Variants in CDH18 observed in about 807,000 individuals in gnomAD.
CDH18 encodes the protein cadherin-18.
A neutral mutation model predicts 67.9 loss-of-function variants in CDH18; 31 were observed. That is an observed-to-expected ratio of 0.46 (90% CI 0.34 to 0.62). The LOEUF (loss-of-function observed/expected upper bound fraction) is 0.62, where lower values mean the gene tolerates loss of function less well. CDH18 is among the 20% of genes least tolerant of loss of function. The pLI is 0.01. For missense variants in CDH18, 890 were observed against 975.5 expected (o/e 0.91, Z 1.17); for synonymous variants, 362 against 347.2 (o/e 1.04, Z -0.48).
At chr5:19,735,557 G>T (rs1043282615) in intron 4 of CDH18, among the ~76,000 whole-genome samples, 1 of 151,860 alleles carries the variant, frequency 6.6e-6, no homozygotes, top group South Asian at 2.1e-4. Context: ...CACCACGCCC[G>T]GCTAATTGTT....
At chr5:19,626,208 G>T (rs1333371472) in intron 5 of CDH18, among the ~76,000 whole-genome samples, 2 of 151,828 alleles carry the variant, frequency 1.3e-5, no homozygotes, top group African/African-American at 4.8e-5. Context: ...ATAGCACCAA[G>T]AAAAAAATAA....
chr5:20,427,328 A>G (rs1486657658), intron 1 of CDH18, among the ~76,000 whole-genome samples: 2 of 151,254 alleles, frequency 1.3e-5, no homozygotes, highest in Non-Finnish European at 2.9e-5. Flanking sequence ...GTTATTTTAC[A>G]AAGAAACAAA....
At chr5:19,874,150 A>C (rs11748637) in intron 2 of CDH18, among the ~76,000 whole-genome samples, 136,442 of 152,072 alleles carry the variant, frequency 0.9, 61,299 homozygotes, top group Non-Finnish European at 0.92. Context: ...ACCTAAATGT[A>C]CAAGTTTCTA....
chr5:20,394,587 C>A (rs1215427232), intron 1 of CDH18, among the ~76,000 whole-genome samples: 1 of 151,952 alleles, frequency 6.6e-6, no homozygotes, highest in Non-Finnish European at 1.5e-5. Flanking sequence ...ATACATGGGA[C>A]CTAATTAAAC....
intron 4 of CDH18, among the ~76,000 whole-genome samples, chr5:19,738,660 G>A (rs573157062): frequency 3.3e-5 from 5 of 152,260 alleles, no homozygotes; most frequent in Admixed American, 6.5e-5. Context: ...AGTTTTATTA[G>A]GGAATTCCAA....
intron 1 of CDH18, among the ~76,000 whole-genome samples, chr5:19,985,612 G>A (rs956332897): frequency 6.6e-6 from 1 of 151,790 alleles, no homozygotes; most frequent in East Asian, 1.9e-4. Context: ...GAATGATAGA[G>A]CTCACAATAC....
chr5:20,211,522 G>A (rs141053634), intron 2 of CDH18, among the ~76,000 whole-genome samples: 115 of 152,216 alleles, frequency 7.6e-4, no homozygotes, highest in African/African-American at 1.4e-3. Context: ...TCATTCAGCC[G>A]GGTGCCCCTC....
At chr5:19,567,860 T>C (rs1206778764) in intron 8 of CDH18, among the ~76,000 whole-genome samples, 2 of 152,182 alleles carry the variant, frequency 1.3e-5, no homozygotes. Context: ...GCATGTTTCA[T>C]ATGAGTGTTC....
chr5:19,908,863 G>A (rs549581106), intron 2 of CDH18, among the ~76,000 whole-genome samples: 2 of 152,166 alleles, frequency 1.3e-5, no homozygotes, highest in Admixed American at 6.6e-5. Flanking sequence ...AATCCAAAAC[G>A]GAATAAAAAT....
At chr5:20,034,442 A>T (rs1407214210) in intron 2 of CDH18, among the ~76,000 whole-genome samples, 2 of 152,054 alleles carry the variant, frequency 1.3e-5, no homozygotes, top group Non-Finnish European at 2.9e-5. Flanking sequence ...ACTGGGCCAC[A>T]CTGTGCCCAG....
intron 5 of CDH18, among the ~76,000 whole-genome samples, chr5:19,648,687 T>C (rs1755145308): frequency 6.6e-6 from 1 of 152,148 alleles, no homozygotes. Context: ...AATCAGGTGT[T>C]GATTTCCATT....
intron 2 of CDH18, among the ~76,000 whole-genome samples, chr5:20,141,356 T>C (rs1356550885): frequency 6.6e-6 from 1 of 152,136 alleles, no homozygotes; most frequent in Non-Finnish European, 1.5e-5. Flanking sequence ...TAAAGCATCC[T>C]AACTAGGAGG....
At chr5:20,357,004 T>C (rs984447316) in intron 1 of CDH18, among the ~76,000 whole-genome samples, 8 of 151,454 alleles carry the variant, frequency 5.3e-5, no homozygotes, top group African/African-American at 1.9e-4. Context: ...GCAATATATA[T>C]GCAGTAATAA....
intron 2 of CDH18, among the ~76,000 whole-genome samples, chr5:19,918,215 G>A (rs1471760185): frequency 6.6e-6 from 1 of 152,028 alleles, no homozygotes; most frequent in African/African-American, 2.4e-5. Flanking sequence ...ACTTTAAATA[G>A]GATAACTTTG....
At chr5:20,269,563 T>C (rs1282428314) in intron 1 of CDH18, among the ~76,000 whole-genome samples, 1 of 152,110 alleles carries the variant, frequency 6.6e-6, no homozygotes, top group Non-Finnish European at 1.5e-5. Context: ...AATCATGTCT[T>C]TCACAGCAAC....
intron 2 of CDH18, among the ~76,000 whole-genome samples, chr5:19,968,330 G>GA (rs1351330329): frequency 1.3e-5 from 2 of 151,496 alleles, no homozygotes; most frequent in East Asian, 1.9e-4. Flanking sequence ...TCACAGAATT[G>GA]AAAAAAAATT....
intron 5 of CDH18, among the ~76,000 whole-genome samples, chr5:19,674,445 T>C (rs1420130937): frequency 1.3e-5 from 2 of 152,132 alleles, no homozygotes; most frequent in African/African-American, 4.8e-5. Flanking sequence ...AAATAATGTT[T>C]AGGAATTTTT....
intron 7 of CDH18, among the ~76,000 whole-genome samples, chr5:19,587,782 G>T (rs1418418804): frequency 2.0e-5 from 3 of 151,720 alleles, no homozygotes; most frequent in East Asian, 3.9e-4. Context: ...AGGTTTTTTG[G>T]TTTCATATAA....
At chr5:19,579,901 C>A (rs1742954153) in intron 7 of CDH18, among the ~76,000 whole-genome samples, 1 of 151,538 alleles carries the variant, frequency 6.6e-6, no homozygotes, top group South Asian at 2.1e-4. Flanking sequence ...TCAATCCACC[C>A]CCCCCAAAGA....
Sources: allele counts gnomAD v4.1 joint callset (sites outside exome capture counted in the v4.1 genomes callset), GRCh38; gene constraint gnomAD v4.1.1; transcripts MANE v1.5; gene names NCBI Gene and HGNC (gene_info 2026-07-23, HGNC 2026-07-21).